CTDNEP1: variants seen among roughly 807,000 people sequenced by gnomAD.
CTDNEP1 encodes C-terminal domain nuclear envelope phosphatase 1.
Under a neutral mutation model 30.1 loss-of-function variants are expected in CTDNEP1, and 3 were observed. The observed-to-expected ratio is 0.10, with a 90% CI of 0.05 to 0.26. CTDNEP1 has a LOEUF of 0.26. Ranked by LOEUF, CTDNEP1 falls within the 10% of genes least tolerant of loss-of-function variation. CTDNEP1 has a pLI of 1.00. For synonymous variants in CTDNEP1, 123 were observed against 118.8 expected (o/e 1.04, Z -0.23); for missense variants, 158 against 310.4 (o/e 0.51, Z 3.69).
At chr17:7,247,467 CTTCTT>C in intron 1 of CTDNEP1, 124 bp from the exon 2 acceptor site, 5 of 672,398 alleles carry the variant, frequency 7.4e-6, no homozygotes, top group Admixed American at 5.5e-5. Flanking sequence ...CTTATTTCTT[CTTCTT>C]TTTTTTTTTT....
At position 7,247,393 on chromosome 17, in the gene CTDNEP1, C is replaced by A. The variant is rs1451471905; in HGVS notation, c.103-50G>T. The stretch of plus-strand genomic sequence containing the variant: ...GAAACCCTTGATAAGGAAGCCTTCC[C>A]CAGTAACAGTAACAGGGAGCACATA... On this transcript the variant is annotated intron_variant, in intron 1 of 7. Coordinates refer to ENST00000574322, the MANE Select transcript of CTDNEP1 (RefSeq NM_001143775.2). 2.8e-6 allele frequency: 4 copies of A among 1,421,270 alleles called. No homozygotes were observed. In the South Asian group the frequency reaches 3.5e-5, roughly 12 times the overall value. 88.0% of individuals were successfully genotyped at this position (1,421,270 alleles called of 1,614,324 possible).
rs1051925532 is a variant in CTDNEP1 at position 7,243,868 on chromosome 17, T to G, written c.*317A>C. 1 of 1,029,984 alleles carries G rather than the reference T, an allele frequency of 9.7e-7. No homozygotes were observed. The highest frequency in any genetic ancestry group is 1.7e-5 in the African/African-American group (1 of 60,328). 63.8% of individuals were successfully genotyped at this position (1,029,984 alleles called of 1,614,324 possible). A position where few individuals can be genotyped will look rare whatever the true frequency, so the allele number is the denominator to read the frequency against. ...TTGGCTTCTCTTTGAGCCTCCTGGATCACCGTATGTCTGTCACTCTGGCCA... is the reference window on the plus strand; with the variant it reads ...TTGGCTTCTCTTTGAGCCTCCTGGAGCACCGTATGTCTGTCACTCTGGCCA... On this transcript the variant is annotated 3_prime_UTR_variant, in exon 8 of 8. Coordinates refer to ENST00000574322, the MANE Select transcript of CTDNEP1 (RefSeq NM_001143775.2).
rs2071845191 is a variant in CTDNEP1 at position 7,246,867 on chromosome 17, A to G, written c.289-5T>C. The G allele has an allele frequency of 6.2e-7, 1 of 1,613,188 alleles. No individual in the cohort carries two copies. ...AGGATGTTTGTCTATTACCACCTAC[A>G]GAGGAACAAGATGGGCTGGGGGATG... On this transcript the variant is annotated splice_region_variant and splice_polypyrimidine_tract_variant and intron_variant, in intron 3 of 7. Coordinates refer to ENST00000574322, the MANE Select transcript of CTDNEP1 (RefSeq NM_001143775.2). This position sits in a 1 kb window ranked among gnomAD's most constrained non-coding sequence, Gnocchi z 4.9.
Position 7,251,460 on chromosome 17 carries a change from G to A in CTDNEP1, c.-164C>T, listed in dbSNP as rs2142999530. 2 of 444,458 alleles carry A rather than the reference G, an allele frequency of 4.5e-6. No individual in the cohort carries two copies. The highest frequency in any genetic ancestry group is 5.1e-5 in the South Asian group (1 of 19,712). 27.5% of individuals were successfully genotyped at this position (444,458 alleles called of 1,614,324 possible). ...GGCGGCTCAGAAAGCCACCCCTGGC[G>A]AGGGTAAAGCCCAGCGGAACGGGGA... On this transcript the variant is annotated 5_prime_UTR_variant, in exon 1 of 8. Coordinates refer to ENST00000574322, the MANE Select transcript of CTDNEP1 (RefSeq NM_001143775.2).
At position 7,251,332 on chromosome 17, in the gene CTDNEP1, C is replaced by T; in HGVS notation, c.-36G>A. The T allele has an allele frequency of 7.0e-7, 1 of 1,419,640 alleles. No homozygotes were observed. Among genetic ancestry groups the T allele is most frequent in the South Asian group, 1.4e-5 (1 of 69,360 alleles). The allele number at this position is 1,419,640 out of a possible 1,614,324, so 87.9% of individuals were successfully genotyped here. ...CCGGCACCGCCGGCCCCGGGGCCCC[C>T]GCGGCCCAGCTCCGCCAGCCCCCCG... On this transcript the variant is annotated 5_prime_UTR_variant, in exon 1 of 8. Coordinates refer to ENST00000574322, the MANE Select transcript of CTDNEP1 (RefSeq NM_001143775.2).
intron 7 of CTDNEP1, 43 bp downstream of exon 7, chr17:7,244,508 C>A (rs753972955): frequency 2.6e-6 from 4 of 1,535,940 alleles, no homozygotes; most frequent in Non-Finnish European, 3.6e-6. Context: ...CCCACCTCCT[C>A]CTTTCTTGAG....
rs768861964 is a variant in CTDNEP1 at position 7,251,161 on chromosome 17, G to C, written c.102+34C>G. On this transcript the variant is annotated intron_variant, in intron 1 of 7. Transcript: ENST00000574322. ...ACAGATGTCCCCAACACCGCCAGACGTCCCCAACACCGCCAGCGCCCACCC... is the reference window on the plus strand; with the variant it reads ...ACAGATGTCCCCAACACCGCCAGACCTCCCCAACACCGCCAGCGCCCACCC... 3.4e-6 allele frequency: 5 copies of C among 1,489,622 alleles called. No individual in the cohort carries two copies. The South Asian group carries it at 6.1e-5, about 18-fold the overall frequency. 92.3% of individuals were successfully genotyped at this position (1,489,622 alleles called of 1,614,324 possible).
rs954835944 is a variant in CTDNEP1 at position 7,244,250 on chromosome 17, G to A, written c.675-5C>T. The A allele has an allele frequency of 3.7e-6, 6 of 1,614,000 alleles. No homozygotes were observed. The Admixed American group carries it at 5.0e-5, about 13-fold the overall frequency. ...GAACGAACATCAGCGGTGAACCTGG[G>A]GTGACAATAACTTGCATTGGTAGAG... On this transcript the variant is annotated splice_polypyrimidine_tract_variant and splice_region_variant and intron_variant, in intron 7 of 7. Transcript: ENST00000574322.
At chr17:7,248,287 A>AAG (rs2071870816) in intron 1 of CTDNEP1, among the ~76,000 whole-genome samples, 1 of 146,906 alleles carries the variant, frequency 6.8e-6, no homozygotes, top group Non-Finnish European at 1.5e-5. Context: ...AAAAAAAAAA[A>AAG]GTAGAATCAA....
Position 7,251,331 on chromosome 17 carries a change from C to T in CTDNEP1, c.-35G>A. ...CCCGGCACCGCCGGCCCCGGGGCCC[C>T]CGCGGCCCAGCTCCGCCAGCCCCCC... On this transcript the variant is annotated 5_prime_UTR_variant, in exon 1 of 8. Coordinates refer to ENST00000574322, the MANE Select transcript of CTDNEP1 (RefSeq NM_001143775.2). The T allele has an allele frequency of 7.0e-7, 1 of 1,428,072 alleles. No homozygotes were observed. Among genetic ancestry groups the T allele is most frequent in the Non-Finnish European group, 9.3e-7 (1 of 1,077,236 alleles). The allele number at this position is 1,428,072 out of a possible 1,614,324, so 88.5% of individuals were successfully genotyped here.
rs776322228 is a variant in CTDNEP1, at chr17:7,243,862, C to T, written c.*323G>A. On this transcript the variant is annotated 3_prime_UTR_variant, in exon 8 of 8. Transcript: ENST00000574322. ...GCTGACTTGGCTTCTCTTTGAGCCT[C>T]CTGGATCACCGTATGTCTGTCACTC... The T allele has an allele frequency of 3.0e-6, 3 of 994,146 alleles. No homozygotes were observed. The highest frequency in any genetic ancestry group is 3.8e-6 in the Non-Finnish European group (3 of 788,458). 61.6% of individuals were successfully genotyped at this position (994,146 alleles called of 1,614,324 possible).
At chr17:7,244,511 T>C (rs2071813375) in intron 7 of CTDNEP1, 40 bp downstream of exon 7, 4 of 1,546,006 alleles carry the variant, frequency 2.6e-6, no homozygotes, top group East Asian at 2.2e-5. Flanking sequence ...ACCTCCTCCT[T>C]TCTTGAGATA....
intron 1 of CTDNEP1, among the ~76,000 whole-genome samples, chr17:7,250,536 ACAGCACC>A (rs1197712676): frequency 6.6e-6 from 1 of 152,176 alleles, no homozygotes; most frequent in Non-Finnish European, 1.5e-5. Flanking sequence ...AATGGTGGGC[ACAGCACC>A]CACCTTGAAC....
intron 7 of CTDNEP1, 108 bp downstream of exon 7, chr17:7,244,443 C>T: frequency 7.8e-7 from 1 of 1,281,800 alleles, no homozygotes; most frequent in Non-Finnish European, 1.1e-6. Flanking sequence ...ATGTTAAATT[C>T]TTAAGGGAAC....
At position 7,251,420 on chromosome 17, in the gene CTDNEP1, G is replaced by A. The variant is rs1420666158; in HGVS notation, c.-124C>T. 3.7e-6 allele frequency: 2 copies of A among 541,492 alleles called. No homozygotes were observed. The highest frequency in any genetic ancestry group is 5.9e-6 in the Non-Finnish European group (2 of 336,946). 33.5% of individuals were successfully genotyped at this position (541,492 alleles called of 1,614,324 possible). On this transcript the variant is annotated 5_prime_UTR_variant, in exon 1 of 8. Transcript: ENST00000574322. ...CCCGAGTGGCAGGAGAGGCTGCAGA[G>A]AGGGGCACGGAGCGGGCGGCTCAGA... is the stretch of plus-strand genomic sequence containing the variant.
intron 1 of CTDNEP1, among the ~76,000 whole-genome samples, chr17:7,249,519 A>G (rs538984849): frequency 1.2e-4 from 18 of 152,192 alleles, no homozygotes; most frequent in South Asian, 2.1e-4. Flanking sequence ...AAGGAGAGCA[A>G]TTTTGGAAGT....
rs1567586247 is a variant in CTDNEP1 at position 7,244,097 on chromosome 17, C to T, written c.*88G>A. 1 of 1,583,564 alleles carries T rather than the reference C, an allele frequency of 6.3e-7. No homozygotes were observed. Among genetic ancestry groups the T allele is most frequent in the South Asian group, 1.1e-5 (1 of 88,698 alleles). On this transcript the variant is annotated 3_prime_UTR_variant, in exon 8 of 8. Transcript: ENST00000574322. ...AGGGGCAGACCCTGCCCAGGCAGTCCTCACATTGGACAGGGCATCAGACGG... is the reference window on the plus strand; with the variant it reads ...AGGGGCAGACCCTGCCCAGGCAGTCTTCACATTGGACAGGGCATCAGACGG...
At chr17:7,248,328 C>A (rs1165952614) in intron 1 of CTDNEP1, among the ~76,000 whole-genome samples, 2 of 142,964 alleles carry the variant, frequency 1.4e-5, no homozygotes, top group Non-Finnish European at 3.0e-5. Flanking sequence ...TGTACCAATG[C>A]AGTTCAACCC....
intron 6 of CTDNEP1, 114 bp downstream of exon 6, chr17:7,245,912 C>G (rs977874722): frequency 1.2e-5 from 8 of 676,178 alleles, no homozygotes; most frequent in Non-Finnish European, 2.1e-5. Context: ...TTACAGCAAA[C>G]TAGGGATAAT....
Sources: allele counts gnomAD v4.1 joint callset (sites outside exome capture counted in the v4.1 genomes callset), GRCh38; gene constraint gnomAD v4.1.1; non-coding constraint Gnocchi (gnomAD v3.1); transcripts MANE v1.5; gene names NCBI Gene and HGNC (gene_info 2026-07-23, HGNC 2026-07-21).